UNC13C: variants seen among roughly 807,000 people sequenced by gnomAD.
The protein encoded by UNC13C is unc-13 homolog C.
UNC13C carries 174 observed loss-of-function variants against 245.4 expected under a neutral mutation model. That is an observed-to-expected ratio of 0.71 (90% confidence interval 0.63 to 0.80). The LOEUF is 0.80. Among genes scored for constraint, UNC13C ranks in the 30% least tolerant of loss-of-function variants. UNC13C has a pLI of 0.00. For missense variants in UNC13C, 2,829 were observed against 2,602.9 expected (o/e 1.09, Z -1.89); for synonymous variants, 992 against 895.1 (o/e 1.11, Z -1.93).
chr15:54,277,535 T>C (rs2036864402), intron 10 of UNC13C, among the ~76,000 whole-genome samples: 1 of 152,200 alleles, frequency 6.6e-6, no homozygotes, highest in Non-Finnish European at 1.5e-5. Context: ...CCCTCTGGCA[T>C]TCATAGGTTT....
intron 17 of UNC13C, among the ~76,000 whole-genome samples, chr15:54,368,563 T>C (rs968395156): frequency 6.6e-6 from 1 of 151,726 alleles, no homozygotes; most frequent in African/African-American, 2.4e-5. Context: ...ACCAATGTGG[T>C]CTGCTATTTC....
At position 54,171,960 on chromosome 15, in the gene UNC13C, A is replaced by G. The variant is rs180926584; in HGVS notation, c.3071+28276A>G. Among the ~76,000 whole-genome samples the G allele has an allele frequency of 6.0e-3, 920 of 152,218 alleles. 12 individuals carry two copies. The highest frequency in any genetic ancestry group is 0.021 in the African/African-American group (869 of 41,558). Reference sequence around the variant, plus strand: ...TGAGATCCTGTCATTTGCAGTTACCATGGATGCCAGTGGAGGTCGTTATGG... The same window carrying G: ...TGAGATCCTGTCATTTGCAGTTACCGTGGATGCCAGTGGAGGTCGTTATGG... On this transcript the variant is annotated intron_variant, in intron 4 of 32. Coordinates refer to ENST00000260323, the MANE Select transcript of UNC13C (RefSeq NM_001080534.3).
intron 10 of UNC13C, among the ~76,000 whole-genome samples, chr15:54,279,487 A>T (rs980492550): frequency 1.3e-5 from 2 of 152,180 alleles, no homozygotes; most frequent in African/African-American, 4.8e-5. Flanking sequence ...GCCTCTCCCG[A>T]TTCAAGTTTG....
At chr15:54,469,820 C>G (rs907505843) in intron 19 of UNC13C, among the ~76,000 whole-genome samples, 6 of 151,396 alleles carry the variant, frequency 4.0e-5, no homozygotes, top group Non-Finnish European at 8.9e-5. Flanking sequence ...GAGTAGCCAT[C>G]CTTATATTGT....
intron 4 of UNC13C, among the ~76,000 whole-genome samples, chr15:54,146,832 A>C (rs2032280663): frequency 6.6e-6 from 1 of 152,206 alleles, no homozygotes; most frequent in Admixed American, 6.5e-5. Flanking sequence ...GAAGTAGGTG[A>C]GAAGAGCCTT....
At chr15:54,626,510 G>A (rs1901159956) in intron 32 of UNC13C, among the ~76,000 whole-genome samples, 1 of 152,026 alleles carries the variant, frequency 6.6e-6, no homozygotes, top group Non-Finnish European at 1.5e-5. Context: ...CTACCAAGAG[G>A]TACCCATTAC....
At chr15:54,034,599 A>G (rs534791680) in intron 2 of UNC13C, among the ~76,000 whole-genome samples, 21 of 152,360 alleles carry the variant, frequency 1.4e-4, no homozygotes, top group South Asian at 1.2e-3. Flanking sequence ...GTTTAAGAAT[A>G]CAATGATGTG....
intron 2 of UNC13C, among the ~76,000 whole-genome samples, chr15:54,056,016 A>T (rs1229253833): frequency 6.6e-6 from 1 of 152,110 alleles, no homozygotes. Flanking sequence ...AGAGCATGTA[A>T]GTCCCAATTG....
intron 20 of UNC13C, among the ~76,000 whole-genome samples, chr15:54,497,645 C>T (rs1318641441): frequency 6.6e-6 from 1 of 152,070 alleles, no homozygotes; most frequent in Admixed American, 6.6e-5. Flanking sequence ...GCTGAAGGGA[C>T]AAATGTTAGA....
At chr15:54,237,080 A>G (rs2035720974) in intron 6 of UNC13C, among the ~76,000 whole-genome samples, 1 of 152,176 alleles carries the variant, frequency 6.6e-6, no homozygotes, top group Non-Finnish European at 1.5e-5. Context: ...GCATCGAGTG[A>G]AGAAAATGAA....
At chr15:54,134,420 C>CTGTGTG (rs3985789) in intron 2 of UNC13C, among the ~76,000 whole-genome samples, 326 of 127,562 alleles carry the variant, frequency 2.6e-3, no homozygotes, top group African/African-American at 5.4e-3. Flanking sequence ...AAATAATCAT[C>CTGTGTG]TGTGTGTGTG....
intron 19 of UNC13C, among the ~76,000 whole-genome samples, chr15:54,444,791 T>C (rs921215448): frequency 4.6e-5 from 7 of 151,414 alleles, no homozygotes; most frequent in African/African-American, 1.7e-4. Context: ...AGAGTTTATT[T>C]TTTATATATA....
At chr15:54,580,313 C>T (rs1031755928) in intron 30 of UNC13C, among the ~76,000 whole-genome samples, 18 of 152,260 alleles carry the variant, frequency 1.2e-4, no homozygotes, top group Admixed American at 5.9e-4. Context: ...CTTGTTATTA[C>T]GTGTTTAATC....
intron 30 of UNC13C, among the ~76,000 whole-genome samples, chr15:54,594,498 G>C (rs1468871593): frequency 6.6e-6 from 1 of 152,078 alleles, no homozygotes; most frequent in African/African-American, 2.4e-5. Context: ...GGCAGGTCTT[G>C]CTGTGGCTGC....
the UNC13C span, among the ~76,000 whole-genome samples, chr15:53,899,854 G>A: frequency 6.5e-4 from 99 of 152,170 alleles, no homozygotes; most frequent in Non-Finnish European, 1.4e-3. Flanking sequence ...CTTCTGAGAT[G>A]GTTCCTTTTT....
chr15:54,254,024 G>A (rs1596089645), intron 8 of UNC13C, among the ~76,000 whole-genome samples: 1 of 152,200 alleles, frequency 6.6e-6, no homozygotes. Context: ...AGCATTTTGT[G>A]AGATGTGTTC....
the UNC13C span, among the ~76,000 whole-genome samples, chr15:53,921,226 A>T: frequency 6.6e-6 from 1 of 152,176 alleles, no homozygotes; most frequent in African/African-American, 2.4e-5. Context: ...AATTGAATCA[A>T]TGTCTTTATT....
intron 19 of UNC13C, among the ~76,000 whole-genome samples, chr15:54,473,188 G>C (rs1190783639): frequency 6.7e-6 from 1 of 150,198 alleles, no homozygotes; most frequent in African/African-American, 2.4e-5. Context: ...GTTTGTTGGA[G>C]ATTATTTTAT....
intron 19 of UNC13C, among the ~76,000 whole-genome samples, chr15:54,480,925 C>T (rs539900634): frequency 6.6e-6 from 1 of 152,250 alleles, no homozygotes; most frequent in South Asian, 2.1e-4. Flanking sequence ...GATTTCTCAG[C>T]AGAGGGGATG....
Sources: allele counts gnomAD v4.1 joint callset (sites outside exome capture counted in the v4.1 genomes callset), GRCh38; gene constraint gnomAD v4.1.1; transcripts MANE v1.5; gene names NCBI Gene and HGNC (gene_info 2026-07-23, HGNC 2026-07-21).